GPBP1: variants seen among roughly 807,000 people sequenced by gnomAD.
GPBP1 encodes the protein vasculin.
In GPBP1, 13 loss-of-function variants were observed where a neutral mutation model predicts 56.5. That is an observed-to-expected ratio of 0.23 (90% CI 0.15 to 0.37). The LOEUF (loss-of-function observed/expected upper bound fraction) is 0.37. Among genes scored for constraint, GPBP1 ranks in the 10% least tolerant of loss-of-function variants. The pLI is 1.00. For synonymous variants in GPBP1, 204 were observed against 188.9 expected, an observed-to-expected ratio of 1.08 and a Z score of -0.66; for missense variants, 477 against 572.3, an observed-to-expected ratio of 0.83 and a Z score of 1.70.
intron 10 of GPBP1, among the ~76,000 whole-genome samples, chr5:57,259,580 G>A (rs189038981): frequency 3.5e-4 from 54 of 152,286 alleles, no homozygotes; most frequent in African/African-American, 1.3e-3. Context: ...TGTCAGTGCT[G>A]TCTTTTTTAC....
chr5:57,246,339 T>C lies in GPBP1; in HGVS notation c.518T>C (p.Leu173Pro). 1 of 1,613,806 alleles carries C rather than the reference T, an allele frequency of 6.2e-7. No homozygotes were observed. The highest frequency in any genetic ancestry group is 8.5e-7 in the Non-Finnish European group (1 of 1,179,816). ...PNPKSRAPRM[L>P]VIKKGNTKDL... ...CCTAAATCTAGAGCTCCAAGGATGC[T>C]GGTCATTAAGAAAGGTAATACAAAA... Residue 173 changes from leucine to proline, a missense_variant, in exon 7 of 12, where the codon CTG becomes CCG. By Grantham distance (98) the Leu-to-Pro change is moderately conservative. Around this residue, in one of 2 missense-constraint regions of GPBP1, gnomAD observed 414 missense variants for 458.2 expected, o/e 0.90. Transcript: ENST00000506184.
chr5:57,243,015 T>C (rs375206185), intron 6 of GPBP1, among the ~76,000 whole-genome samples: 1 of 150,812 alleles, frequency 6.6e-6, no homozygotes, highest in Non-Finnish European at 1.5e-5. Context: ...TCCCAAAGTG[T>C]TGGGATTACA....
At chr5:57,248,801 A>G (rs1741225191) in intron 8 of GPBP1, 1 of 152,200 alleles carries the variant, frequency 6.6e-6, no homozygotes, top group African/African-American at 2.4e-5. Flanking sequence ...TAATTCTGCT[A>G]AGATTAGTTA....
intron 2 of GPBP1, among the ~76,000 whole-genome samples, chr5:57,180,887 G>A (rs1366537154): frequency 6.6e-6 from 1 of 152,090 alleles, no homozygotes; most frequent in African/African-American, 2.4e-5. Flanking sequence ...GATTACAGGT[G>A]CCCACCACCA....
intron 2 of GPBP1, among the ~76,000 whole-genome samples, chr5:57,200,870 G>A (rs945166073): frequency 3.3e-5 from 5 of 152,074 alleles, no homozygotes; most frequent in Admixed American, 2.6e-4. Flanking sequence ...AGTAGAGATG[G>A]GGTATCACCG....
intron 2 of GPBP1, among the ~76,000 whole-genome samples, chr5:57,189,855 A>G (rs924681253): frequency 6.6e-6 from 1 of 151,864 alleles, no homozygotes; most frequent in African/African-American, 2.4e-5. Flanking sequence ...ATTTTTCTTT[A>G]TATTTGTTCC....
At chr5:57,223,771 T>C (rs939353341) in intron 3 of GPBP1, among the ~76,000 whole-genome samples, 5 of 149,360 alleles carry the variant, frequency 3.3e-5, no homozygotes, top group African/African-American at 9.7e-5. Context: ...TATATATATA[T>C]TTTAAAATTA....
At chr5:57,257,033 T>A (rs1741695843) in intron 10 of GPBP1, among the ~76,000 whole-genome samples, 2 of 151,708 alleles carry the variant, frequency 1.3e-5, no homozygotes, top group African/African-American at 4.8e-5. Flanking sequence ...TGATAGTTTT[T>A]GTTTTTGTTT....
At chr5:57,221,242 T>G in intron 3 of GPBP1, 4 of 601,026 alleles carry the variant, frequency 6.7e-6, no homozygotes, top group Non-Finnish European at 1.1e-5. Flanking sequence ...TTTTACACAG[T>G]CTTTTCATTT....
At chr5:57,251,208 T>A in intron 10 of GPBP1, 67 bp downstream of exon 10, 2 of 1,327,560 alleles carry the variant, frequency 1.5e-6, no homozygotes, top group Non-Finnish European at 2.1e-6. Flanking sequence ...TATAGAGTTT[T>A]TACGTGATTT....
chr5:57,226,553 CTTTTT>C (rs34180383), intron 3 of GPBP1, among the ~76,000 whole-genome samples: 1 of 62,124 alleles, frequency 1.6e-5, no homozygotes, highest in Non-Finnish European at 2.8e-5. Context: ...AGCATTTTTG[CTTTTT>C]TTTTTTTTTT....
At chr5:57,188,815 T>C (rs1046300012) in intron 2 of GPBP1, among the ~76,000 whole-genome samples, 2 of 152,202 alleles carry the variant, frequency 1.3e-5, no homozygotes, top group Non-Finnish European at 2.9e-5. Context: ...CATCTCAGTA[T>C]GGCTCCACCA....
At chr5:57,199,365 T>C (rs1579995115) in intron 2 of GPBP1, among the ~76,000 whole-genome samples, 1 of 152,120 alleles carries the variant, frequency 6.6e-6, no homozygotes. Context: ...ACATTAGGGA[T>C]GGGCGGAACC....
At chr5:57,241,952 T>G (rs943958745) in intron 6 of GPBP1, among the ~76,000 whole-genome samples, 3 of 152,220 alleles carry the variant, frequency 2.0e-5, no homozygotes, top group African/African-American at 4.8e-5. Flanking sequence ...TGAGCCAATT[T>G]TTAAATAATA....
At position 57,263,650 on chromosome 5, in the gene GPBP1, T is replaced by C. The variant is rs902011330; in HGVS notation, c.*898T>C. 2.0e-5 allele frequency: 3 copies of C among 152,214 alleles called. No individual in the cohort carries two copies. Among genetic ancestry groups the C allele is most frequent in the African/African-American group, 7.2e-5 (3 of 41,460 alleles). The allele number at this position is 152,214 out of a possible 1,614,324, so 9.4% of individuals were successfully genotyped here. A position where few individuals can be genotyped will look rare whatever the true frequency, so the allele number is the denominator to read the frequency against. Reference sequence around the variant, plus strand: ...ACATAAACATACTCTAAACATGCTTTATTCACTTGTTAAAGTCATACTTTT... The same window carrying C: ...ACATAAACATACTCTAAACATGCTTCATTCACTTGTTAAAGTCATACTTTT... On this transcript the variant is annotated 3_prime_UTR_variant, in exon 12 of 12. Transcript: ENST00000506184.
chr5:57,201,307 G>C (rs951904482), intron 2 of GPBP1, among the ~76,000 whole-genome samples: 1 of 151,936 alleles, frequency 6.6e-6, no homozygotes, highest in Admixed American at 6.6e-5. Context: ...TTTTTTCCCA[G>C]TACAGAAAGA....
rs199809646 is a variant in GPBP1 at position 57,249,391 on chromosome 5, T to A, written c.805-18T>A. On this transcript the variant is annotated intron_variant, in intron 8 of 11. Coordinates refer to ENST00000506184, the MANE Select transcript of GPBP1 (RefSeq NM_022913.4). ...TCCTTGGCTACATATTTATCAGTATTTCTGAATTTCCTCTTAGTGTAATCG... is the reference window on the plus strand; with the variant it reads ...TCCTTGGCTACATATTTATCAGTATATCTGAATTTCCTCTTAGTGTAATCG... The A allele has an allele frequency of 3.2e-6, 5 of 1,563,664 alleles. No individual in the cohort carries two copies. The highest frequency in any genetic ancestry group is 3.9e-5 in the Admixed American group (2 of 50,870).
At chr5:57,230,402 CACTT>C (rs1366407231) in intron 3 of GPBP1, among the ~76,000 whole-genome samples, 3 of 151,994 alleles carry the variant, frequency 2.0e-5, no homozygotes, top group Non-Finnish European at 4.4e-5. Context: ...TTTTTAAAAA[CACTT>C]GGTTTGGGGA....
Position 57,206,251 on chromosome 5 carries a change from CTT to C in GPBP1, c.-57-7817_-57-7816del, listed in dbSNP as rs1370093567. Among the ~76,000 whole-genome samples, 3 of 151,796 alleles carry C rather than the reference CTT, an allele frequency of 2.0e-5. No homozygotes were observed. In the South Asian group the frequency reaches 6.2e-4, roughly 32 times the overall value. On this transcript the variant is annotated intron_variant, in intron 2 of 11. Coordinates refer to ENST00000506184, the MANE Select transcript of GPBP1 (RefSeq NM_022913.4). Reference sequence around the variant, plus strand: ...TTTCATGAAGTTCAGTTTTTGTTTTCTTTTTTTAATTGTTACTCTTGGTTTTG... The same window carrying C: ...TTTCATGAAGTTCAGTTTTTGTTTTCTTTTTAATTGTTACTCTTGGTTTTG...
Sources: gnomAD v4.1 joint callset for allele counts (sites outside exome capture counted in the v4.1 genomes callset) on GRCh38, gnomAD v4.1.1 for gene constraint, gnomAD v4.1.1 regional missense constraint, MANE v1.5 for transcripts, NCBI Gene and HGNC (gene_info 2026-07-23, HGNC 2026-07-21) for gene names.